The following TMEM117 variants were observed in gnomAD, a reference collection of about 807,000 sequenced individuals.
The protein encoded by TMEM117 is transmembrane protein 117.
TMEM117 carries 27 observed loss-of-function variants against 52.4 expected under a neutral mutation model. That is an observed-to-expected ratio of 0.51 (90% confidence interval 0.38 to 0.71). The LOEUF (loss-of-function observed/expected upper bound fraction) is 0.71, where lower values mean the gene tolerates loss of function less well. Ranked by LOEUF, TMEM117 falls within the 30% of genes least tolerant of loss-of-function variation. The pLI is 0.00. For synonymous variants in TMEM117, 215 were observed against 206.3 expected (o/e 1.04, Z -0.36); for missense variants, 556 against 630.5 (o/e 0.88, Z 1.26).
intron 5 of TMEM117, among the ~76,000 whole-genome samples, chr12:44,289,227 G>T (rs1451400937): frequency 2.2e-4 from 4 of 17,970 alleles, no homozygotes; most frequent in Non-Finnish European, 3.5e-4. Flanking sequence ...ATCCCATTTT[G>T]TGTGTGTGTG....
intron 5 of TMEM117, among the ~76,000 whole-genome samples, chr12:44,235,592 A>G (rs1252278669): frequency 6.7e-6 from 1 of 148,352 alleles, no homozygotes; most frequent in Admixed American, 6.7e-5. Context: ...ATGTATCCTT[A>G]ACTTATTAAA....
At chr12:43,836,250 C>T (rs1479724964) in intron 1 of TMEM117, 54 bp downstream of exon 1, 1 of 152,312 alleles carries the variant, frequency 6.6e-6, no homozygotes, top group Non-Finnish European at 1.5e-5. Context: ...TCGGTCCAGC[C>T]GCAGCGGAGC....
intron 2 of TMEM117, among the ~76,000 whole-genome samples, chr12:43,857,209 A>G (rs1458242595): frequency 6.6e-6 from 1 of 152,224 alleles, no homozygotes; most frequent in African/African-American, 2.4e-5. Context: ...CCCCTAGGAC[A>G]GAGGATACAA....
At chr12:44,002,831 C>T (rs1946136987) in intron 3 of TMEM117, among the ~76,000 whole-genome samples, 1 of 151,652 alleles carries the variant, frequency 6.6e-6, no homozygotes, top group African/African-American at 2.4e-5. Context: ...TTAAAGAAGA[C>T]AAGAATGAGA....
At chr12:44,382,193 G>A (rs757256086) in intron 7 of TMEM117, among the ~76,000 whole-genome samples, 4 of 152,064 alleles carry the variant, frequency 2.6e-5, no homozygotes, top group Non-Finnish European at 5.9e-5. Context: ...CTGAGTTTCT[G>A]CCCTGCCCAC....
chr12:44,107,002 G>C (rs926105159), intron 3 of TMEM117, among the ~76,000 whole-genome samples: 26 of 151,920 alleles, frequency 1.7e-4, no homozygotes, highest in Admixed American at 1.4e-3. Context: ...ATAGCAGTGA[G>C]GATGAATGAT....
At chr12:43,876,491 T>G (rs1943798006) in intron 2 of TMEM117, among the ~76,000 whole-genome samples, 1 of 152,224 alleles carries the variant, frequency 6.6e-6, no homozygotes, top group African/African-American at 2.4e-5. Context: ...GAAGACATTC[T>G]TATTTGCTCA....
At chr12:43,959,517 C>T (rs1209553031) in intron 3 of TMEM117, among the ~76,000 whole-genome samples, 1 of 152,188 alleles carries the variant, frequency 6.6e-6, no homozygotes, top group African/African-American at 2.4e-5. Flanking sequence ...GTAATGCTTT[C>T]TGATCCCTTA....
chr12:44,229,704 T>G (rs1592624728), intron 5 of TMEM117, among the ~76,000 whole-genome samples: 2 of 152,152 alleles, frequency 1.3e-5, no homozygotes, highest in South Asian at 4.1e-4. Flanking sequence ...GATATGCTTG[T>G]ATTTCCACCA....
intron 3 of TMEM117, among the ~76,000 whole-genome samples, chr12:44,036,391 T>G (rs1946710874): frequency 6.6e-6 from 1 of 152,232 alleles, no homozygotes; most frequent in South Asian, 2.1e-4. Context: ...CAGTGGAAAC[T>G]TGTATAATTA....
intron 4 of TMEM117, among the ~76,000 whole-genome samples, chr12:44,172,472 A>G (rs1949060074): frequency 2.0e-5 from 3 of 152,092 alleles, no homozygotes; most frequent in African/African-American, 7.2e-5. Context: ...CATAGCAGTT[A>G]TTCTTTCTGA....
chr12:44,265,038 A>T (rs1950361033), intron 5 of TMEM117, among the ~76,000 whole-genome samples: 1 of 152,186 alleles, frequency 6.6e-6, no homozygotes, highest in Non-Finnish European at 1.5e-5. Flanking sequence ...GAAACAAGCC[A>T]AAGAAAATAC....
At chr12:43,833,388 C>A (rs373005608), upstream of TMEM117, among the ~76,000 whole-genome samples, 2 of 152,166 alleles carry the variant, frequency 1.3e-5, no homozygotes, top group Non-Finnish European at 2.9e-5. Flanking sequence ...ATCCCACTAT[C>A]CCCTGAAATA....
chr12:44,145,628 G>A (rs899752365), intron 4 of TMEM117, among the ~76,000 whole-genome samples: 1 of 152,208 alleles, frequency 6.6e-6, no homozygotes, highest in African/African-American at 2.4e-5. Context: ...GGGATGGCAA[G>A]GGCCAAGTCA....
intron 3 of TMEM117, among the ~76,000 whole-genome samples, chr12:43,964,091 C>T (rs1408482835): frequency 1.3e-5 from 2 of 152,120 alleles, no homozygotes; most frequent in African/African-American, 4.8e-5. Context: ...CATTGTGAGT[C>T]AGCTGGAGGG....
intron 6 of TMEM117, 118 bp downstream of exon 6, chr12:44,299,857 T>C: frequency 6.4e-6 from 8 of 1,251,712 alleles, no homozygotes; most frequent in Non-Finnish European, 8.9e-6. Context: ...CAGTTACTTT[T>C]GATGGGGCCT....
intron 2 of TMEM117, among the ~76,000 whole-genome samples, chr12:43,864,414 A>G (rs1943547197): frequency 6.6e-6 from 1 of 152,192 alleles, no homozygotes; most frequent in Admixed American, 6.5e-5. Flanking sequence ...GGGATTGTAA[A>G]TACACCAATC....
At chr12:44,282,145 G>T (rs139784594) in intron 5 of TMEM117, among the ~76,000 whole-genome samples, 104 of 151,926 alleles carry the variant, frequency 6.8e-4, no homozygotes, top group East Asian at 2.9e-3. Flanking sequence ...AGTGCCTTTC[G>T]CCTCCCACCA....
intron 2 of TMEM117, among the ~76,000 whole-genome samples, chr12:43,910,577 A>C (rs1204418186): frequency 6.6e-6 from 1 of 151,830 alleles, no homozygotes; most frequent in East Asian, 1.9e-4. Context: ...AGACGACATG[A>C]TTGTGTATCT....
Sources: gnomAD v4.1 joint callset for allele counts (sites outside exome capture counted in the v4.1 genomes callset) on GRCh38, gnomAD v4.1.1 for gene constraint, MANE v1.5 for transcripts, NCBI Gene and HGNC (gene_info 2026-07-23, HGNC 2026-07-21) for gene names.